The following XAGE5 variants were observed in gnomAD, a reference collection of about 807,000 sequenced individuals.
XAGE5 encodes G antigen, family D, 5.
XAGE5 carries 13 observed loss-of-function variants against 13.1 expected under a neutral mutation model. The observed-to-expected ratio is 0.99, with a 90% CI of 0.64 to 1.57. The LOEUF (loss-of-function observed/expected upper bound fraction) is 1.57, where lower values mean the gene tolerates loss of function less well. Ranked by LOEUF, XAGE5 falls within the 40% of genes most tolerant of loss-of-function variation. The pLI, the probability that XAGE5 is intolerant of heterozygous loss-of-function variation, is 0.00. For missense variants in XAGE5, 86 were observed against 77.6 expected (o/e 1.11, Z -0.41); for synonymous variants, 17 against 25.0 (o/e 0.68, Z 0.96).
At chrX:52,816,934 G>A (rs1219780300) in intron 5 of XAGE5, among the ~76,000 whole-genome samples, 1 of 111,814 alleles carries the variant, frequency 8.9e-6, no homozygotes, top group Non-Finnish European at 1.9e-5. Flanking sequence ...TAAGGGAAAA[G>A]GAAGCAGGCA....
intron 2 of XAGE5, 94 bp from the exon 3 acceptor site, chrX:52,812,465 G>A: frequency 1.4e-6 from 1 of 715,032 alleles, no homozygotes. Context: ...GTAGAGACGG[G>A]GTTTCACCAT....
At chrX:52,817,344 C>T (rs1254258772) in intron 5 of XAGE5, among the ~76,000 whole-genome samples, 2 of 111,993 alleles carry the variant, frequency 1.8e-5, no homozygotes, top group East Asian at 5.5e-4. Context: ...TCTTACTCTC[C>T]GTTTTCATTT....
rs141512832 is a variant in XAGE5, at chrX:52,815,148, T to C, written c.235T>C (p.Cys79Arg). 2 of 1,209,642 alleles carry C rather than the reference T, an allele frequency of 1.7e-6. No homozygotes were observed. Among genetic ancestry groups the C allele is most frequent in the Non-Finnish European group, 2.2e-6 (2 of 894,913 alleles). The change falls in exon 5 of 6, where the codon TGC (cysteine) becomes CGC (arginine). Residue 79 changes from cysteine to arginine, a missense_variant. Cys to Arg is a radical substitution (Grantham distance 180). Coordinates refer to ENST00000375501, the MANE Select transcript of XAGE5 (RefSeq NM_001386970.1). The part of the protein sequence containing the change: ...ELSQSKTGDE[C>R]GDSPDVQGKI... Reference sequence around the variant, plus strand: ...GTCTCAGTCAAAGACTGGGGATGAATGCGGAGATAGTCCTGATGTCCAGGG... The same window carrying C: ...GTCTCAGTCAAAGACTGGGGATGAACGCGGAGATAGTCCTGATGTCCAGGG...
chrX:52,814,899 G>A (rs1774301745), intron 4 of XAGE5, 193 bp from the exon 5 acceptor site: 1 of 447,648 alleles, frequency 2.2e-6, no homozygotes, highest in Admixed American at 4.4e-5. Context: ...TAAAGTATGG[G>A]AAATGTAGGT....
Position 52,818,228 on chromosome X carries a change from A to G in XAGE5, c.*15A>G, listed in dbSNP as rs781809398. On this transcript the variant is annotated 3_prime_UTR_variant, in exon 6 of 6. Transcript: ENST00000375501. ...CACAGCTTTAAACGAAGACAACCAA[A>G]AGAATGCAAACTGGATTTATCCGAG... is the stretch of plus-strand genomic sequence containing the variant. 9 of 1,211,001 alleles carry G rather than the reference A, an allele frequency of 7.4e-6. No homozygotes were observed. Among genetic ancestry groups the G allele is most frequent in the Non-Finnish European group, 8.9e-6 (8 of 894,600 alleles).
intron 2 of XAGE5, chrX:52,812,262 T>G: frequency 8.2e-6 from 2 of 245,287 alleles, no homozygotes; most frequent in Non-Finnish European, 7.3e-6. Flanking sequence ...AATATTCTGG[T>G]TTTTGCTTTG....
chrX:52,814,600 A>G (rs1556777832), intron 4 of XAGE5, among the ~76,000 whole-genome samples: 1 of 111,900 alleles, frequency 8.9e-6, no homozygotes, highest in Non-Finnish European at 1.9e-5. Flanking sequence ...TCTCACTGGA[A>G]GACAGTGATT....
At chrX:52,811,517 C>A (rs1394171003) in intron 1 of XAGE5, among the ~76,000 whole-genome samples, 31 bp from the exon 2 acceptor site, 2 of 111,308 alleles carry the variant, frequency 1.8e-5, no homozygotes, top group African/African-American at 6.5e-5. Flanking sequence ...TCTCGTGCGG[C>A]CCCGCAGCTA....
At chrX:52,813,277 G>A (rs189542095) in intron 4 of XAGE5, 32 bp downstream of exon 4, 6 of 1,159,895 alleles carry the variant, frequency 5.2e-6, no homozygotes, top group Middle Eastern at 2.5e-4. Flanking sequence ...AATGTCTATG[G>A]GGGGAGGAGG....
At chrX:52,815,327 A>G in intron 5 of XAGE5, 110 bp downstream of exon 5, 1 of 924,950 alleles carries the variant, frequency 1.1e-6, no homozygotes, top group South Asian at 2.8e-5. Context: ...TAGAGTTCAA[A>G]TGCAGACTTT....
intron 5 of XAGE5, among the ~76,000 whole-genome samples, chrX:52,815,691 AT>A (rs1469933425): frequency 8.9e-6 from 1 of 112,458 alleles, no homozygotes; most frequent in African/African-American, 3.2e-5. Flanking sequence ...AATCCATTTC[AT>A]TGCTGATTTC....
chrX:52,816,090 C>A (rs1293827058), intron 5 of XAGE5, among the ~76,000 whole-genome samples: 2 of 111,372 alleles, frequency 1.8e-5, no homozygotes, highest in African/African-American at 6.5e-5. Flanking sequence ...ATTACAGGTG[C>A]GTGCCACCAC....
At chrX:52,813,048 T>C in intron 3 of XAGE5, 92 bp from the exon 4 acceptor site, 1 of 647,427 alleles carries the variant, frequency 1.5e-6, no homozygotes, top group Non-Finnish European at 2.5e-6. Context: ...GAAGTATCTG[T>C]GTAATCTGTA....
intron 4 of XAGE5, 69 bp from the exon 5 acceptor site, chrX:52,815,023 G>C (rs879948808): frequency 8.6e-7 from 1 of 1,169,119 alleles, no homozygotes; most frequent in East Asian, 3.0e-5. Context: ...CTGAGGAAAA[G>C]AATAGGATCA....
Position 52,811,627 on chromosome X carries a change from G to A in XAGE5, c.-101G>A, listed in dbSNP as rs1926798642. Among the ~76,000 whole-genome samples, 1 of 110,692 alleles carries A rather than the reference G, an allele frequency of 9.0e-6. No individual in the cohort carries two copies. Among genetic ancestry groups the A allele is most frequent in the Non-Finnish European group, 1.9e-5 (1 of 52,865 alleles). On this transcript the variant is annotated 5_prime_UTR_variant, in exon 2 of 6. An upstream open reading frame in the 5' UTR gains an earlier in-frame stop. Transcript: ENST00000375501. ...GCTGGGGCAATGCTGGGGTGCTGTTGGTGGTATTCCAGTCCCAGAAACGCC... is the reference window on the plus strand; with the variant it reads ...GCTGGGGCAATGCTGGGGTGCTGTTAGTGGTATTCCAGTCCCAGAAACGCC...
chrX:52,814,623 T>C (rs1241690417), intron 4 of XAGE5, among the ~76,000 whole-genome samples: 1 of 111,692 alleles, frequency 9.0e-6, no homozygotes, highest in Non-Finnish European at 1.9e-5. Context: ...GCTGTTATAT[T>C]TCGTACTTTT....
In XAGE5 at chrX:52,811,611, A is replaced by G. The variant is rs1299648819; in HGVS notation, c.-117A>G. ...ACGGGGGTTAGGTGAAGCTGGGGCA[A>G]TGCTGGGGTGCTGTTGGTGGTATTC... On this transcript the variant is annotated 5_prime_UTR_variant, in exon 2 of 6. It removes an upstream start codon present in the reference 5' UTR. Coordinates refer to ENST00000375501, the MANE Select transcript of XAGE5 (RefSeq NM_001386970.1). Among the ~76,000 whole-genome samples, 1 of 110,626 alleles carries G rather than the reference A, an allele frequency of 9.0e-6. No homozygotes were observed. The highest frequency in any genetic ancestry group is 2.8e-4 in the East Asian group (1 of 3,516).
intron 2 of XAGE5, among the ~76,000 whole-genome samples, chrX:52,812,015 G>A (rs1602000694): frequency 9.0e-6 from 1 of 111,140 alleles, no homozygotes; most frequent in Non-Finnish European, 1.9e-5. Flanking sequence ...GTCCAATTGC[G>A]AAACCAAACC....
At position 52,811,427 on chromosome X, in the gene XAGE5, G is replaced by A. The variant is rs1462251845; in HGVS notation, c.-181+15G>A. 2.7e-5 allele frequency among the ~76,000 whole-genome samples: 3 copies of A among 111,696 alleles called. No individual in the cohort carries two copies. The highest frequency in any genetic ancestry group is 9.8e-5 in the African/African-American group (3 of 30,708). ...GGAGTTGAAGTGTGAGTGAGAGTGC[G>A]GAGGAGCCAGCGGGCTTCCGGAGGG... On this transcript the variant is annotated intron_variant, in intron 1 of 5. Transcript: ENST00000375501.
Sources: allele counts gnomAD v4.1 joint callset (sites outside exome capture counted in the v4.1 genomes callset), GRCh38; gene constraint gnomAD v4.1.1; transcripts MANE v1.5; gene names NCBI Gene and HGNC (gene_info 2026-07-23, HGNC 2026-07-21).